FGF7: variants seen among roughly 807,000 people sequenced by gnomAD.
FGF7 encodes fibroblast growth factor 7.
In FGF7, 6 loss-of-function variants were observed where a neutral mutation model predicts 20.5. That is an observed-to-expected ratio of 0.29 (90% CI 0.16 to 0.58). The LOEUF (loss-of-function observed/expected upper bound fraction) is 0.58, where lower values mean the gene tolerates loss of function less well. FGF7 is among the 20% of genes least tolerant of loss of function. FGF7 has a pLI of 0.90. For missense variants in FGF7, 144 were observed against 228.8 expected, an observed-to-expected ratio of 0.63 and a Z score of 2.39; for synonymous variants, 64 against 74.7, an observed-to-expected ratio of 0.86 and a Z score of 0.74.
At chr15:49,449,069 T>C (rs191486216) in intron 2 of FGF7, among the ~76,000 whole-genome samples, 228 of 151,068 alleles carry the variant, frequency 1.5e-3, no homozygotes, top group African/African-American at 5.2e-3. Context: ...TTTTTGGCTA[T>C]TTCAAATGCT....
intron 2 of FGF7, chr15:49,434,366 G>C (rs1300546716): frequency 2.0e-5 from 3 of 151,270 alleles, no homozygotes; most frequent in Admixed American, 6.6e-5. Context: ...CAAATATACA[G>C]TCCATGCTTT....
intron 2 of FGF7, among the ~76,000 whole-genome samples, chr15:49,477,032 C>T (rs886308453): frequency 1.6e-4 from 24 of 149,106 alleles, no homozygotes; most frequent in South Asian, 4.2e-4. Flanking sequence ...TGCACTCCAG[C>T]CTGGGCGACA....
intron 2 of FGF7, among the ~76,000 whole-genome samples, chr15:49,433,495 A>C (rs1018611078): frequency 6.6e-6 from 1 of 151,708 alleles, no homozygotes; most frequent in Admixed American, 6.6e-5. Flanking sequence ...TAGATTACTA[A>C]ATTATCATGA....
At chr15:49,432,596 G>A (rs1448399225) in intron 2 of FGF7, among the ~76,000 whole-genome samples, 5 of 151,390 alleles carry the variant, frequency 3.3e-5, no homozygotes, top group African/African-American at 1.2e-4. Context: ...TCTATCTTTG[G>A]TGTTGTCAAG....
intron 2 of FGF7, among the ~76,000 whole-genome samples, chr15:49,431,761 T>C (rs1007363815): frequency 1.3e-5 from 2 of 151,802 alleles, no homozygotes; most frequent in Non-Finnish European, 2.9e-5. Context: ...TATTGGATTT[T>C]AAATCTTCTG....
intron 3 of FGF7, 94 bp from the exon 4 acceptor site, chr15:49,484,216 C>A (rs1208325573): frequency 9.2e-5 from 78 of 846,158 alleles, no homozygotes; most frequent in Non-Finnish European, 1.2e-4. Flanking sequence ...GTGTATGTTT[C>A]AATTCTACCA....
At chr15:49,471,534 T>TAATAA (rs1434567116) in intron 2 of FGF7, among the ~76,000 whole-genome samples, 1 of 139,882 alleles carries the variant, frequency 7.1e-6, no homozygotes, top group Non-Finnish European at 1.5e-5. Context: ...AATAATAATA[T>TAATAA]GGCAAATGTA....
rs1238857356 is a variant in FGF7, at chr15:49,486,925, T to A, written c.*2421T>A. On this transcript the variant is annotated 3_prime_UTR_variant, in exon 4 of 4. Transcript: ENST00000267843. ...CTTACTCATTTGTAGTCTAGGAAAT[T>A]GAGATTTTGATACACCTAAGGTCAC... 6.6e-6 allele frequency: 1 copy of A among 151,944 alleles called. No individual in the cohort carries two copies. The highest frequency in any genetic ancestry group is 1.5e-5 in the Non-Finnish European group (1 of 67,904). The allele number at this position is 151,944 out of a possible 1,614,324, so 9.4% of individuals were successfully genotyped here.
intron 2 of FGF7, among the ~76,000 whole-genome samples, chr15:49,478,469 T>A (rs979277278): frequency 1.4e-4 from 22 of 152,230 alleles, no homozygotes; most frequent in Admixed American, 3.9e-4. Flanking sequence ...TTAAACATAA[T>A]AAAAATATAT....
chr15:49,449,584 C>T (rs2052535668), intron 2 of FGF7, among the ~76,000 whole-genome samples: 1 of 152,012 alleles, frequency 6.6e-6, no homozygotes, highest in Admixed American at 6.6e-5. Flanking sequence ...CAACCTTATA[C>T]TTCTATTAAG....
intron 2 of FGF7, among the ~76,000 whole-genome samples, chr15:49,481,340 T>G (rs139074606): frequency 3.7e-4 from 56 of 152,342 alleles, no homozygotes; most frequent in African/African-American, 1.3e-3. Context: ...TCTTCAGTAT[T>G]TTTCATTTTA....
intron 2 of FGF7, among the ~76,000 whole-genome samples, chr15:49,440,096 CTT>C (rs1386086324): frequency 6.6e-6 from 1 of 151,764 alleles, no homozygotes; most frequent in Non-Finnish European, 1.5e-5. Context: ...GAAAAGATAA[CTT>C]TTCAAAATGA....
chr15:49,473,944 T>G lies in FGF7; in HGVS notation c.287-9207T>G, dbSNP rs906630885. ...AAAATGAGGAACATTCATCATTTGTTGCAGGGGAACAGTTGACATTTGCCT... is the reference window on the plus strand; with the variant it reads ...AAAATGAGGAACATTCATCATTTGTGGCAGGGGAACAGTTGACATTTGCCT... On this transcript the variant is annotated intron_variant, in intron 2 of 3. Coordinates refer to ENST00000267843, the MANE Select transcript of FGF7 (RefSeq NM_002009.4). 2.0e-5 allele frequency among the ~76,000 whole-genome samples: 3 copies of G among 152,150 alleles called. 1 individual carries two copies. The highest frequency in any genetic ancestry group is 7.2e-5 in the African/African-American group (3 of 41,456).
intron 2 of FGF7, among the ~76,000 whole-genome samples, chr15:49,474,641 A>G (rs1042393606): frequency 2.8e-4 from 43 of 152,236 alleles, no homozygotes; most frequent in Non-Finnish European, 5.3e-4. Context: ...GGAGCCCCCA[A>G]CCCCTGGGCT....
intron 2 of FGF7, among the ~76,000 whole-genome samples, chr15:49,427,986 G>T (rs557659301): frequency 6.6e-6 from 1 of 151,924 alleles, no homozygotes; most frequent in Non-Finnish European, 1.5e-5. Context: ...GTGTTGTTTT[G>T]TAAAATATTT....
chr15:49,458,546 C>CT (rs1371942077), intron 2 of FGF7, among the ~76,000 whole-genome samples: 1 of 152,058 alleles, frequency 6.6e-6, no homozygotes, highest in Non-Finnish European at 1.5e-5. Context: ...AGAAGAAACT[C>CT]TTTAAGAACA....
intron 2 of FGF7, among the ~76,000 whole-genome samples, chr15:49,469,847 T>C (rs1439943925): frequency 6.6e-6 from 1 of 152,078 alleles, no homozygotes; most frequent in Non-Finnish European, 1.5e-5. Flanking sequence ...TTTTTACGAC[T>C]CTAAGAAGTC....
chr15:49,423,951 T>C (rs1359734068), intron 1 of FGF7, 81 bp from the exon 2 acceptor site: 1 of 214,902 alleles, frequency 4.7e-6, no homozygotes, highest in East Asian at 1.0e-4. Flanking sequence ...ATGCTACTAC[T>C]TACCCACTAA....
In FGF7 at chr15:49,475,488, C is replaced by CA; in HGVS notation, c.287-7663_287-7662insA. ...TGGGAGCCTGTGAAAATTTCAAAGG[C>CA]TTGCAAATGTATTTAAACTTTAATA... On this transcript the variant is annotated intron_variant, in intron 2 of 3. Coordinates refer to ENST00000267843, the MANE Select transcript of FGF7 (RefSeq NM_002009.4). Among the ~76,000 whole-genome samples, 3 of 152,110 alleles carry CA rather than the reference C, an allele frequency of 2.0e-5. No individual in the cohort carries two copies. In the East Asian group the frequency reaches 5.8e-4, roughly 29 times the overall value.
Sources: gnomAD v4.1 joint callset for allele counts (sites outside exome capture counted in the v4.1 genomes callset) on GRCh38, gnomAD v4.1.1 for gene constraint, MANE v1.5 for transcripts, NCBI Gene and HGNC (gene_info 2026-07-23, HGNC 2026-07-21) for gene names.